NKAIN2: variants seen among roughly 807,000 people sequenced by gnomAD.
NKAIN2 encodes sodium/potassium-transporting ATPase subunit beta-1-interacting protein 2.
In NKAIN2, 14 loss-of-function variants were observed where a neutral mutation model predicts 32.6. That is an observed-to-expected ratio of 0.43 (90% CI 0.28 to 0.67). The LOEUF (loss-of-function observed/expected upper bound fraction) is 0.67, where lower values mean the gene tolerates loss of function less well. Ranked by LOEUF, NKAIN2 falls within the 30% of genes least tolerant of loss-of-function variation. The pLI is 0.17. For synonymous variants in NKAIN2, 80 were observed against 87.2 expected (o/e 0.92, Z 0.46); for missense variants, 198 against 258.3 (o/e 0.77, Z 1.60).
chr6:124,659,415 T>TA (rs746739888), intron 4 of NKAIN2, among the ~76,000 whole-genome samples: 134 of 146,864 alleles, frequency 9.1e-4, no homozygotes, highest in Admixed American at 1.7e-3. Context: ...CTTCTGGAAT[T>TA]AAAAAAAAAA....
At chr6:124,210,209 T>C (rs1196513132) in intron 1 of NKAIN2, among the ~76,000 whole-genome samples, 1 of 151,886 alleles carries the variant, frequency 6.6e-6, no homozygotes, top group East Asian at 1.9e-4. Flanking sequence ...GAAGAGATTA[T>C]CCTTTCCCCA....
chr6:124,633,821 A>G (rs1458169878), intron 3 of NKAIN2, among the ~76,000 whole-genome samples: 1 of 152,112 alleles, frequency 6.6e-6, no homozygotes, highest in African/African-American at 2.4e-5. Context: ...TACCTCTACT[A>G]CCACCAGCAA....
In NKAIN2 at chr6:124,733,006, C is replaced by CA. The variant is rs564522910; in HGVS notation, c.475-58325dup. On this transcript the variant is annotated intron_variant, in intron 4 of 6. Coordinates refer to ENST00000368417, the MANE Select transcript of NKAIN2 (RefSeq NM_001040214.3). ...TTATTTAACAATACAAGGAAATGAACAAAAAAAAGTGGATGGACCTTAAGG... is the reference window on the plus strand; with the variant it reads ...TTATTTAACAATACAAGGAAATGAACAAAAAAAAAGTGGATGGACCTTAAGG... 5.3e-5 allele frequency among the ~76,000 whole-genome samples: 8 copies of CA among 151,356 alleles called. No individual in the cohort carries two copies. The South Asian group carries it at 6.3e-4, about 12-fold the overall frequency.
chr6:124,088,728 T>A (rs1045371614), intron 1 of NKAIN2, among the ~76,000 whole-genome samples: 3 of 152,016 alleles, frequency 2.0e-5, no homozygotes, highest in Non-Finnish European at 2.9e-5. Context: ...TTACACAAGA[T>A]GTTGAGTTGA....
At chr6:123,883,349 G>A (rs1198886646) in intron 1 of NKAIN2, among the ~76,000 whole-genome samples, 1 of 152,048 alleles carries the variant, frequency 6.6e-6, no homozygotes, top group Non-Finnish European at 1.5e-5. Flanking sequence ...GTTTCACCGT[G>A]TTAGCCAGGA....
chr6:124,082,144 G>A (rs1018126990), intron 1 of NKAIN2, among the ~76,000 whole-genome samples: 1 of 152,002 alleles, frequency 6.6e-6, no homozygotes, highest in Non-Finnish European at 1.5e-5. Flanking sequence ...ATGGTGGTGG[G>A]CAACAGGAAG....
At chr6:124,000,121 C>G (rs1412308251) in intron 1 of NKAIN2, among the ~76,000 whole-genome samples, 1 of 152,096 alleles carries the variant, frequency 6.6e-6, no homozygotes, top group Non-Finnish European at 1.5e-5. Flanking sequence ...ATTTCATCGT[C>G]TTCCAAAACG....
chr6:124,530,014 T>A (rs576496277), intron 3 of NKAIN2, among the ~76,000 whole-genome samples: 3 of 152,304 alleles, frequency 2.0e-5, no homozygotes, highest in Admixed American at 6.5e-5. Context: ...GCCAGAGAGC[T>A]AGCTAGTTTT....
chr6:124,645,897 T>A (rs1429180319), intron 3 of NKAIN2, among the ~76,000 whole-genome samples: 1 of 152,202 alleles, frequency 6.6e-6, no homozygotes, highest in African/African-American at 2.4e-5. Flanking sequence ...TGAGATATCT[T>A]TTCTTACCAT....
At chr6:123,884,828 A>T (rs781118519) in intron 1 of NKAIN2, among the ~76,000 whole-genome samples, 26 of 152,082 alleles carry the variant, frequency 1.7e-4, no homozygotes, top group Non-Finnish European at 2.8e-4. Flanking sequence ...CTAGATTACT[A>T]TTTCAGCTGA....
chr6:124,819,376 T>C (rs929062686), intron 6 of NKAIN2, among the ~76,000 whole-genome samples: 6 of 152,154 alleles, frequency 3.9e-5, no homozygotes, highest in African/African-American at 1.4e-4. Context: ...AAAAAAAGAA[T>C]AATCTTGCAC....
chr6:124,139,152 A>G (rs1251633451), intron 1 of NKAIN2, among the ~76,000 whole-genome samples: 3 of 134,078 alleles, frequency 2.2e-5, no homozygotes, highest in African/African-American at 5.8e-5. Flanking sequence ...GCAGTGGCGC[A>G]ATCTCGGCTC....
chr6:124,605,715 A>G (rs1390070661), intron 3 of NKAIN2, among the ~76,000 whole-genome samples: 4 of 152,096 alleles, frequency 2.6e-5, no homozygotes, highest in African/African-American at 9.7e-5. Flanking sequence ...ATCGTAGATG[A>G]TCTTGAAGAA....
intron 1 of NKAIN2, among the ~76,000 whole-genome samples, chr6:123,921,141 A>G (rs1364219888): frequency 6.6e-6 from 1 of 152,210 alleles, no homozygotes; most frequent in Non-Finnish European, 1.5e-5. Context: ...GAAATGAGAG[A>G]ACGCAATAGT....
rs1459752329 is a variant in NKAIN2, at chr6:124,028,921, A to ATG, written c.54+224671_54+224672dup. Among the ~76,000 whole-genome samples the ATG allele has an allele frequency of 6.8e-3, 96 of 14,222 alleles. 4 individuals carry two copies. In the East Asian group the frequency reaches 0.072, roughly 11 times the overall value. 9.3% of individuals were successfully genotyped at this position (14,222 alleles called of 152,430 possible). A position where few individuals can be genotyped will look rare whatever the true frequency, so the allele number is the denominator to read the frequency against. On this transcript the variant is annotated intron_variant, in intron 1 of 6. Transcript: ENST00000368417. ...TATATATACACATATATGTATATAT[A>ATG]TGTGTATATATATATATATAGTTTT...
chr6:124,654,512 A>T (rs562740080), intron 3 of NKAIN2, among the ~76,000 whole-genome samples: 1 of 152,270 alleles, frequency 6.6e-6, no homozygotes, highest in Admixed American at 6.5e-5. Context: ...AAAATAAAAT[A>T]AAAAAGAGAG....
Position 124,574,597 on chromosome 6 carries a change from C to T in NKAIN2, c.274-83589C>T, listed in dbSNP as rs143050303. 9.8e-3 allele frequency among the ~76,000 whole-genome samples: 1,489 copies of T among 152,160 alleles called. 23 individuals carry two copies. Among genetic ancestry groups the T allele is most frequent in the African/African-American group, 0.034 (1,410 of 41,494 alleles). ...TCGCCCCAGTGCACTCCAGCCTGGG[C>T]GACAGAGCAAGACTCTGTCTCAAAA... On this transcript the variant is annotated intron_variant, in intron 3 of 6. Coordinates refer to ENST00000368417, the MANE Select transcript of NKAIN2 (RefSeq NM_001040214.3).
At chr6:124,561,861 G>A (rs1780707874) in intron 3 of NKAIN2, among the ~76,000 whole-genome samples, 3 of 152,154 alleles carry the variant, frequency 2.0e-5, no homozygotes. Flanking sequence ...TCAGCTCTCT[G>A]GATAGCAGTC....
At chr6:124,404,058 A>C (rs1217111646) in intron 3 of NKAIN2, among the ~76,000 whole-genome samples, 1 of 152,108 alleles carries the variant, frequency 6.6e-6, no homozygotes, top group Non-Finnish European at 1.5e-5. Flanking sequence ...ATAACTGGTT[A>C]TATTTTAATA....
Sources: gnomAD v4.1 joint callset for allele counts (sites outside exome capture counted in the v4.1 genomes callset) on GRCh38, gnomAD v4.1.1 for gene constraint, MANE v1.5 for transcripts, NCBI Gene and HGNC (gene_info 2026-07-23, HGNC 2026-07-21) for gene names.